TMEFF2: variants seen among roughly 807,000 people sequenced by gnomAD.
The protein encoded by TMEFF2 is tomoregulin-2.
Under a neutral mutation model 53.8 loss-of-function variants are expected in TMEFF2, and 28 were observed. That is an observed-to-expected ratio of 0.52 (90% CI 0.39 to 0.71). The LOEUF (loss-of-function observed/expected upper bound fraction) is 0.71. Among genes scored for constraint, TMEFF2 ranks in the 30% least tolerant of loss-of-function variants. The probability of loss-of-function intolerance (pLI) is 0.00; values close to 1 mark genes in which losing one functional copy is unlikely to be tolerated. For synonymous variants in TMEFF2, 162 were observed against 166.3 expected, an observed-to-expected ratio of 0.97 and a Z score of 0.20; for missense variants, 353 against 455.2, an observed-to-expected ratio of 0.78 and a Z score of 2.04.
rs556977176 is a variant in TMEFF2, at chr2:192,107,528, T to C, written c.440-49753A>G. Among the ~76,000 whole-genome samples, 7 of 151,698 alleles carry C rather than the reference T, an allele frequency of 4.6e-5. No individual in the cohort carries two copies. In the South Asian group the frequency reaches 1.4e-3, roughly 31 times the overall value. ...TAAAATAATTTGTAGGAAATGAAGA[T>C]ATAGTATTAGGAAAAAAATAGCTTT... On this transcript the variant is annotated intron_variant, in intron 4 of 9. Coordinates refer to ENST00000272771, the MANE Select transcript of TMEFF2 (RefSeq NM_016192.4).
chr2:191,953,537 A>G, intron 9 of TMEFF2, 142 bp downstream of exon 9: 1 of 811,916 alleles, frequency 1.2e-6, no homozygotes, highest in Non-Finnish European at 1.8e-6. Flanking sequence ...CTATTCAAAT[A>G]CTCTTATGCT....
At chr2:192,091,745 C>T (rs1233573410) in intron 4 of TMEFF2, among the ~76,000 whole-genome samples, 1 of 151,740 alleles carries the variant, frequency 6.6e-6, no homozygotes, top group Non-Finnish European at 1.5e-5. Context: ...AGGTTATTAT[C>T]ACAGTACTGA....
intron 4 of TMEFF2, among the ~76,000 whole-genome samples, chr2:192,147,900 A>C (rs1168602537): frequency 6.6e-6 from 1 of 152,172 alleles, no homozygotes; most frequent in South Asian, 2.1e-4. Context: ...AAACTGCTTC[A>C]GTTGTGATAT....
intron 4 of TMEFF2, among the ~76,000 whole-genome samples, chr2:192,092,382 AC>A (rs1340453007): frequency 2.6e-5 from 4 of 152,160 alleles, no homozygotes; most frequent in Non-Finnish European, 5.9e-5. Context: ...ACACAAAGAT[AC>A]TTTATAGATT....
intron 7 of TMEFF2, among the ~76,000 whole-genome samples, chr2:191,966,026 G>T (rs537536978): frequency 4.1e-4 from 63 of 151,840 alleles, no homozygotes; most frequent in African/African-American, 1.4e-3. Flanking sequence ...TCTGTACGTA[G>T]CACAGAACAT....
At chr2:192,159,688 T>A (rs950215506) in intron 4 of TMEFF2, among the ~76,000 whole-genome samples, 1 of 152,132 alleles carries the variant, frequency 6.6e-6, no homozygotes. Flanking sequence ...TTCAAGGAAG[T>A]GTTCTAGATA....
chr2:192,076,159 A>C (rs1688427608), intron 4 of TMEFF2, among the ~76,000 whole-genome samples: 1 of 152,088 alleles, frequency 6.6e-6, no homozygotes, highest in South Asian at 2.1e-4. Context: ...TGTCAGAGAT[A>C]AAAGTCTTTT....
intron 4 of TMEFF2, among the ~76,000 whole-genome samples, chr2:192,121,537 A>G (rs1689554186): frequency 1.3e-5 from 2 of 152,168 alleles, no homozygotes; most frequent in South Asian, 4.1e-4. Context: ...CAGCTTTTAA[A>G]TGAAAATATA....
intron 7 of TMEFF2, among the ~76,000 whole-genome samples, chr2:191,971,142 A>C (rs933683423): frequency 3.9e-5 from 6 of 152,180 alleles, no homozygotes; most frequent in African/African-American, 1.4e-4. Context: ...ATCCAATGTG[A>C]GTCTAAACAG....
At position 192,078,669 on chromosome 2, in the gene TMEFF2, A is replaced by G. The variant is rs1037617717; in HGVS notation, c.440-20894T>C. On this transcript the variant is annotated intron_variant, in intron 4 of 9. Coordinates refer to ENST00000272771, the MANE Select transcript of TMEFF2 (RefSeq NM_016192.4). ...TTCTTATTCTTTCAGCTAAATCTCA[A>G]TACAAATGAAAAACTATATTCTATG... is the stretch of plus-strand genomic sequence containing the variant. Among the ~76,000 whole-genome samples, 4 of 152,214 alleles carry G rather than the reference A, an allele frequency of 2.6e-5. No individual in the cohort carries two copies. In the East Asian group the frequency reaches 7.7e-4, roughly 29 times the overall value.
chr2:191,977,608 A>T (rs1293075920), intron 7 of TMEFF2, among the ~76,000 whole-genome samples: 1 of 151,164 alleles, frequency 6.6e-6, no homozygotes, highest in Non-Finnish European at 1.5e-5. Flanking sequence ...CCTTCCATGA[A>T]ATCTTAGAAA....
intron 4 of TMEFF2, among the ~76,000 whole-genome samples, chr2:192,127,502 C>G (rs1689705310): frequency 6.6e-6 from 1 of 152,066 alleles, no homozygotes; most frequent in East Asian, 1.9e-4. Flanking sequence ...AACAAATCAA[C>G]AATGTAGCTA....
intron 5 of TMEFF2, among the ~76,000 whole-genome samples, chr2:192,008,776 G>T (rs1379512710): frequency 1.3e-5 from 2 of 152,158 alleles, no homozygotes; most frequent in Non-Finnish European, 2.9e-5. Flanking sequence ...ATTCCCAAGC[G>T]CCAGGATTCC....
At chr2:192,011,586 A>G (rs1397101300) in intron 5 of TMEFF2, among the ~76,000 whole-genome samples, 1 of 152,242 alleles carries the variant, frequency 6.6e-6, no homozygotes, top group Admixed American at 6.5e-5. Flanking sequence ...TAGTAAGTGG[A>G]TGCTACAGGA....
intron 4 of TMEFF2, among the ~76,000 whole-genome samples, chr2:192,162,686 GA>G (rs953132598): frequency 2.0e-5 from 3 of 151,654 alleles, no homozygotes; most frequent in African/African-American, 7.3e-5. Context: ...GTCTTAGGGG[GA>G]AAAAAAATTG....
In TMEFF2 at chr2:192,112,090, CCA is replaced by C. The variant is rs1445444879; in HGVS notation, c.440-54317_440-54316del. ...GAAGAAAAATGTGGGGTTACAGCCC[CCA>C]CACAGAGTTCTCACTGGGGCACTGC... On this transcript the variant is annotated intron_variant, in intron 4 of 9. Coordinates refer to ENST00000272771, the MANE Select transcript of TMEFF2 (RefSeq NM_016192.4). Among the ~76,000 whole-genome samples, 4 of 152,164 alleles carry C rather than the reference CCA, an allele frequency of 2.6e-5. No individual in the cohort carries two copies. The East Asian group carries it at 7.7e-4, about 29-fold the overall frequency.
chr2:192,005,151 TAAGA>T (rs949749556), intron 5 of TMEFF2, among the ~76,000 whole-genome samples: 1 of 152,218 alleles, frequency 6.6e-6, no homozygotes, highest in African/African-American at 2.4e-5. Context: ...CTCTGAATTA[TAAGA>T]TAGAAGAGAA....
At chr2:192,115,209 A>C (rs552647265) in intron 4 of TMEFF2, among the ~76,000 whole-genome samples, 1 of 152,182 alleles carries the variant, frequency 6.6e-6, no homozygotes, top group Non-Finnish European at 1.5e-5. Context: ...TGGTAATCAA[A>C]ACAACATGGT....
At chr2:191,980,684 A>T (rs930931875) in intron 7 of TMEFF2, among the ~76,000 whole-genome samples, 3 of 151,968 alleles carry the variant, frequency 2.0e-5, no homozygotes, top group Non-Finnish European at 2.9e-5. Flanking sequence ...CCACATAATC[A>T]TTTCCATGCC....
Sources: allele counts gnomAD v4.1 joint callset (sites outside exome capture counted in the v4.1 genomes callset), GRCh38; gene constraint gnomAD v4.1.1; transcripts MANE v1.5; gene names NCBI Gene and HGNC (gene_info 2026-07-23, HGNC 2026-07-21).